Variants in OSBPL9 observed in about 807,000 individuals in gnomAD.
OSBPL9 encodes oxysterol-binding protein-related protein 9.
Under a neutral mutation model 106.6 loss-of-function variants are expected in OSBPL9, and 40 were observed. That is an observed-to-expected ratio of 0.38 (90% CI 0.29 to 0.49). The LOEUF is 0.49. Among genes scored for constraint, OSBPL9 ranks in the 20% least tolerant of loss-of-function variants. The pLI is 0.97. For missense variants in OSBPL9, 609 were observed against 887.2 expected (o/e 0.69, Z 3.98); for synonymous variants, 269 against 295.4 (o/e 0.91, Z 0.92).
At chr1:51,599,002 A>G (rs1345164350) in intron 2 of OSBPL9, among the ~76,000 whole-genome samples, 1 of 152,098 alleles carries the variant, frequency 6.6e-6, no homozygotes, top group Admixed American at 6.6e-5. Flanking sequence ...CAAAAAAAAA[A>G]AAAAAAAAGT....
chr1:51,622,118 TGAA>T (rs1644475037), intron 1 of OSBPL9, among the ~76,000 whole-genome samples: 1 of 152,124 alleles, frequency 6.6e-6, no homozygotes, highest in South Asian at 2.1e-4. Flanking sequence ...GGGAAGAGTC[TGAA>T]GACATCCAGG....
chr1:51,653,936 A>G (rs1209881524), intron 2 of OSBPL9, among the ~76,000 whole-genome samples: 1 of 152,126 alleles, frequency 6.6e-6, no homozygotes, highest in Non-Finnish European at 1.5e-5. Flanking sequence ...CAGGAAGTCA[A>G]GGCTGTAGTG....
intron 1 of OSBPL9, among the ~76,000 whole-genome samples, chr1:51,632,292 A>G (rs1645157244): frequency 6.6e-6 from 1 of 152,236 alleles, no homozygotes; most frequent in Non-Finnish European, 1.5e-5. Context: ...AAACATGAGT[A>G]CAGCATCATT....
At chr1:51,748,763 C>T (rs1668571469) in intron 7 of OSBPL9, among the ~76,000 whole-genome samples, 1 of 152,178 alleles carries the variant, frequency 6.6e-6, no homozygotes, top group Admixed American at 6.5e-5. Flanking sequence ...CTCCTGGGCT[C>T]AAGCGATCCT....
At chr1:51,742,575 T>C (rs1667162787) in intron 4 of OSBPL9, among the ~76,000 whole-genome samples, 1 of 150,118 alleles carries the variant, frequency 6.7e-6, no homozygotes, top group Non-Finnish European at 1.5e-5. Flanking sequence ...ACAAAAAAAG[T>C]AAAATAAAAA....
the OSBPL9 span, among the ~76,000 whole-genome samples, chr1:51,546,029 T>G: frequency 4.9e-4 from 74 of 152,244 alleles, no homozygotes; most frequent in South Asian, 2.1e-4. Flanking sequence ...TAAGACAATT[T>G]TTTTTGAGAC....
chr1:51,662,933 A>C (rs1008216347), intron 2 of OSBPL9, among the ~76,000 whole-genome samples: 2 of 151,704 alleles, frequency 1.3e-5, no homozygotes, highest in Non-Finnish European at 2.9e-5. Context: ...TTTAGTAGAG[A>C]TGGGGTTTCA....
At chr1:51,705,399 A>AT (rs869169566) in intron 3 of OSBPL9, among the ~76,000 whole-genome samples, 502 of 40,502 alleles carry the variant, frequency 0.012, 119 homozygotes, top group East Asian at 0.053. Context: ...ATATATATAT[A>AT]TTTTTTTTTT....
chr1:51,522,544 A>G, the OSBPL9 span, among the ~76,000 whole-genome samples: 1 of 152,162 alleles, frequency 6.6e-6, no homozygotes, highest in South Asian at 2.1e-4. Flanking sequence ...ACCAATGACA[A>G]TTTGCAAATG....
At chr1:51,539,228 G>T in the OSBPL9 span, among the ~76,000 whole-genome samples, 1 of 151,994 alleles carries the variant, frequency 6.6e-6, no homozygotes, top group Admixed American at 6.6e-5. Context: ...AACCTGCTTC[G>T]CCTCGAGTCC....
At chr1:51,535,375 T>G in the OSBPL9 span, among the ~76,000 whole-genome samples, 2 of 152,102 alleles carry the variant, frequency 1.3e-5, no homozygotes. Context: ...GAGACTGAAG[T>G]CCACCTTGGT....
At chr1:51,739,109 T>C (rs1571439965) in intron 4 of OSBPL9, among the ~76,000 whole-genome samples, 1 of 152,086 alleles carries the variant, frequency 6.6e-6, no homozygotes, top group South Asian at 2.1e-4. Context: ...GCTGTGCTCG[T>C]TTCCACTATG....
chr1:51,521,317 T>A, the OSBPL9 span, among the ~76,000 whole-genome samples: 1 of 152,188 alleles, frequency 6.6e-6, no homozygotes, highest in Non-Finnish European at 1.5e-5. Flanking sequence ...ATGGAGCAAA[T>A]CGCTTTGGGG....
At chr1:51,738,935 A>C (rs1666293187) in intron 4 of OSBPL9, among the ~76,000 whole-genome samples, 1 of 152,124 alleles carries the variant, frequency 6.6e-6, no homozygotes, top group Admixed American at 6.5e-5. Flanking sequence ...CCACTGTGTT[A>C]CTTTACATGT....
At chr1:51,784,958 C>T (rs2149160466) in intron 20 of OSBPL9, 1 of 215,794 alleles carries the variant, frequency 4.6e-6, no homozygotes, top group East Asian at 1.2e-4. Flanking sequence ...CTGGTCCTCA[C>T]AGCTATCCCT....
intron 9 of OSBPL9, chr1:51,760,145 C>G (rs1671176473): frequency 6.5e-6 from 1 of 153,984 alleles, no homozygotes; most frequent in Admixed American, 6.4e-5. Context: ...TATGCAAATA[C>G]TACACGATAT....
intron 13 of OSBPL9, 81 bp from the exon 14 acceptor site, chr1:51,772,524 A>G: frequency 6.8e-6 from 8 of 1,183,784 alleles, no homozygotes; most frequent in Non-Finnish European, 7.6e-6. Flanking sequence ...TCAAACAAAC[A>G]AACAAACAAA....
intron 2 of OSBPL9, among the ~76,000 whole-genome samples, chr1:51,653,683 T>C (rs535171510): frequency 2.8e-4 from 43 of 152,242 alleles, no homozygotes; most frequent in Non-Finnish European, 5.3e-4. Flanking sequence ...TTGATGTCTT[T>C]TGTTTACAAT....
At chr1:51,530,176 A>AAAAAAAAAAAAAAAAAAC in the OSBPL9 span, among the ~76,000 whole-genome samples, 3 of 107,704 alleles carry the variant, frequency 2.8e-5, no homozygotes, top group Non-Finnish European at 5.7e-5. Context: ...GTCTCAAAAA[A>AAAAAAAAAAAAAAAAAAC]AAAAAAAAAA....
Sources: allele counts gnomAD v4.1 joint callset (sites outside exome capture counted in the v4.1 genomes callset), GRCh38; gene constraint gnomAD v4.1.1; transcripts MANE v1.5; gene names NCBI Gene and HGNC (gene_info 2026-07-23, HGNC 2026-07-21).